Variants in NR1H4 observed in about 807,000 individuals in gnomAD.
The protein encoded by NR1H4 is nuclear receptor subfamily 1 group H member 4, also known as bile acid receptor.
Under a neutral mutation model 58.5 loss-of-function variants are expected in NR1H4, and 23 were observed. That is an observed-to-expected ratio of 0.39 (90% CI 0.28 to 0.56). The LOEUF is 0.56. Ranked by LOEUF, NR1H4 falls within the 20% of genes least tolerant of loss-of-function variation. NR1H4 has a pLI of 0.58. For synonymous variants in NR1H4, 214 were observed against 198.0 expected (o/e 1.08, Z -0.68); for missense variants, 487 against 576.9 (o/e 0.84, Z 1.60).
intron 4 of NR1H4, among the ~76,000 whole-genome samples, chr12:100,526,749 A>G (rs1954567245): frequency 6.6e-6 from 1 of 152,170 alleles, no homozygotes; most frequent in African/African-American, 2.4e-5. Context: ...TCACTCCTCT[A>G]GAAGCTCTTT....
chr12:100,551,200 T>C (rs1422054641), intron 9 of NR1H4, among the ~76,000 whole-genome samples: 1 of 152,210 alleles, frequency 6.6e-6, no homozygotes, highest in East Asian at 1.9e-4. Context: ...AATTTCAAAT[T>C]GCTTTAAGTC....
intron 8 of NR1H4, 132 bp from the exon 9 acceptor site, chr12:100,540,540 T>C: frequency 2.2e-6 from 2 of 917,312 alleles, no homozygotes; most frequent in Non-Finnish European, 3.5e-6. Flanking sequence ...CGAGTACAAA[T>C]GGACTCAACT....
At chr12:100,516,523 C>A (rs1046580375) in intron 4 of NR1H4, among the ~76,000 whole-genome samples, 1 of 152,046 alleles carries the variant, frequency 6.6e-6, no homozygotes, top group Non-Finnish European at 1.5e-5. Context: ...CCTGCCACCA[C>A]GCCCGGCTAA....
At chr12:100,505,246 T>G (rs1468301113) in intron 3 of NR1H4, among the ~76,000 whole-genome samples, 1 of 152,210 alleles carries the variant, frequency 6.6e-6, no homozygotes, top group East Asian at 1.9e-4. Context: ...TGTGAGATTA[T>G]GGGGGAGTGC....
At chr12:100,504,218 AAC>A (rs1382714664) in intron 3 of NR1H4, among the ~76,000 whole-genome samples, 1 of 152,324 alleles carries the variant, frequency 6.6e-6, no homozygotes, top group African/African-American at 2.4e-5. Flanking sequence ...TTATAATTAA[AAC>A]ACAGTATAAT....
intron 4 of NR1H4, among the ~76,000 whole-genome samples, chr12:100,521,014 A>G (rs1397211539): frequency 1.3e-5 from 2 of 152,150 alleles, no homozygotes; most frequent in Admixed American, 1.3e-4. Context: ...TACAAGATTT[A>G]TATTACATTA....
Position 100,561,912 on chromosome 12 carries a change from T to C in NR1H4, c.1106T>C (p.Met369Thr), listed in dbSNP as rs1565788688. ...SGISDEYITPMFSFYKSIGEL... is the reference protein window; with the variant it reads ...SGISDEYITPTFSFYKSIGEL... ...ATCTCTGATGAATATATAACACCTATGTTTAGTTTTTATAAAAGTATTGGG... is the reference window on the plus strand; with the variant it reads ...ATCTCTGATGAATATATAACACCTACGTTTAGTTTTTATAAAAGTATTGGG... The change falls in exon 10 of 11, where the codon ATG (methionine) becomes ACG (threonine). Residue 369 changes from methionine (M) to threonine (T), a missense_variant. Transcript: ENST00000392986. 6.7e-7 allele frequency: 1 copy of C among 1,486,800 alleles called. No homozygotes were observed. The highest frequency in any genetic ancestry group is 2.3e-5 in the East Asian group (1 of 44,164). The allele number at this position is 1,486,800 out of a possible 1,614,324, so 92.1% of individuals were successfully genotyped here.
chr12:100,528,004 C>G (rs1350959571), intron 4 of NR1H4, among the ~76,000 whole-genome samples: 1 of 152,022 alleles, frequency 6.6e-6, no homozygotes. Flanking sequence ...GGAGACAGAC[C>G]TAGAAGCTGT....
chr12:100,501,018 T>C (rs1395820915), intron 3 of NR1H4, among the ~76,000 whole-genome samples: 3 of 152,060 alleles, frequency 2.0e-5, no homozygotes, highest in Non-Finnish European at 4.4e-5. Context: ...AGACAGTTGA[T>C]CATCTCTAAG....
At chr12:100,521,955 A>T (rs1396426222) in intron 4 of NR1H4, among the ~76,000 whole-genome samples, 1 of 152,156 alleles carries the variant, frequency 6.6e-6, no homozygotes, top group Non-Finnish European at 1.5e-5. Context: ...AGTGTTATGA[A>T]AATCGTGGGA....
chr12:100,509,469 T>C (rs1954050482), intron 3 of NR1H4, among the ~76,000 whole-genome samples: 1 of 152,238 alleles, frequency 6.6e-6, no homozygotes, highest in South Asian at 2.1e-4. Flanking sequence ...TAATTGTTAT[T>C]ATTCCTATTT....
intron 9 of NR1H4, among the ~76,000 whole-genome samples, chr12:100,545,010 A>G (rs899706200): frequency 2.0e-5 from 3 of 152,170 alleles, no homozygotes; most frequent in Admixed American, 1.3e-4. Context: ...AGAGGGGTGC[A>G]ATGTCTGCCA....
chr12:100,501,668 G>A (rs775069518), intron 3 of NR1H4, among the ~76,000 whole-genome samples: 1 of 152,170 alleles, frequency 6.6e-6, no homozygotes. Flanking sequence ...AACTTGTGAA[G>A]GCTATAGAAA....
chr12:100,491,757 T>A (rs1953611046), intron 1 of NR1H4, among the ~76,000 whole-genome samples: 1 of 152,008 alleles, frequency 6.6e-6, no homozygotes, highest in Admixed American at 6.6e-5. Context: ...GGACACAGTT[T>A]GTGTCTCTTC....
At chr12:100,512,263 C>T (rs970214989) in intron 4 of NR1H4, among the ~76,000 whole-genome samples, 1 of 151,896 alleles carries the variant, frequency 6.6e-6, no homozygotes, top group Non-Finnish European at 1.5e-5. Context: ...AGCAGTAATA[C>T]AGTTCTGTTA....
intron 9 of NR1H4, among the ~76,000 whole-genome samples, chr12:100,556,842 T>C (rs1955340117): frequency 6.6e-6 from 1 of 152,192 alleles, no homozygotes; most frequent in Non-Finnish European, 1.5e-5. Context: ...CAGAATCAAA[T>C]TCGTTTATAT....
chr12:100,501,373 G>C (rs1220708854), intron 3 of NR1H4, among the ~76,000 whole-genome samples: 1 of 128,302 alleles, frequency 7.8e-6, no homozygotes, highest in African/African-American at 3.9e-5. Context: ...TGGTGACCCC[G>C]ATCAAGCAAT....
intron 3 of NR1H4, among the ~76,000 whole-genome samples, chr12:100,510,302 C>T (rs1954073895): frequency 6.6e-6 from 1 of 152,036 alleles, no homozygotes; most frequent in African/African-American, 2.4e-5. Context: ...AAATTTCCCC[C>T]CAAAAATATT....
intron 1 of NR1H4, among the ~76,000 whole-genome samples, chr12:100,485,725 G>GA (rs536438660): frequency 1.9e-3 from 294 of 152,070 alleles, no homozygotes; most frequent in African/African-American, 6.8e-3. Context: ...GTAGAGAAGG[G>GA]ATTTCACCAT....
Sources: gnomAD v4.1 joint callset for allele counts (sites outside exome capture counted in the v4.1 genomes callset) on GRCh38, gnomAD v4.1.1 for gene constraint, MANE v1.5 for transcripts, NCBI Gene and HGNC (gene_info 2026-07-23, HGNC 2026-07-21) for gene names.